Variants in KLF3 observed in about 807,000 individuals in gnomAD.
KLF3 encodes KLF transcription factor 3, also known as Krueppel-like factor 3.
In KLF3, 6 loss-of-function variants were observed where a neutral mutation model predicts 32.7. That is an observed-to-expected ratio of 0.18 (90% CI 0.10 to 0.36). The LOEUF is 0.36. KLF3 is among the 10% of genes least tolerant of loss of function. The pLI is 1.00. For missense variants in KLF3, 338 were observed against 449.7 expected (o/e 0.75, Z 2.25); for synonymous variants, 145 against 172.8 (o/e 0.84, Z 1.26).
chr4:38,667,379 C>T (rs1202019517), intron 1 of KLF3, among the ~76,000 whole-genome samples: 2 of 152,140 alleles, frequency 1.3e-5, no homozygotes, highest in East Asian at 3.8e-4. Flanking sequence ...GGCTGAGGTC[C>T]CTGCCCCTAA....
intron 5 of KLF3, among the ~76,000 whole-genome samples, chr4:38,695,986 A>C (rs1183383422): frequency 5.3e-5 from 8 of 152,124 alleles, no homozygotes; most frequent in Non-Finnish European, 1.2e-4. Flanking sequence ...GAATCCTGGG[A>C]GGAGGCAGAG....
At position 38,671,702 on chromosome 4, in the gene KLF3, T is replaced by C. The variant is rs1722203780; in HGVS notation, c.-40+7241T>C. ...AGCTGTGTGATGTTAGGCAGGTTAC[T>C]TGACCTCTCTGTTTCAGTGTTCTTT... On this transcript the variant is annotated intron_variant, in intron 1 of 5. Transcript: ENST00000261438. The surrounding 1 kb of genome is among the most constrained non-coding windows in gnomAD (Gnocchi z 4.4). Among the ~76,000 whole-genome samples, 1 of 152,184 alleles carries C rather than the reference T, an allele frequency of 6.6e-6. No homozygotes were observed. Among genetic ancestry groups the C allele is most frequent in the African/African-American group, 2.4e-5 (1 of 41,454 alleles).
At chr4:38,689,519 C>T (rs1477307881) in intron 3 of KLF3, among the ~76,000 whole-genome samples, 3 of 152,166 alleles carry the variant, frequency 2.0e-5, no homozygotes, top group African/African-American at 7.2e-5. Context: ...GGGCTGGTGT[C>T]TTATAATCTA....
At position 38,669,893 on chromosome 4, in the gene KLF3, CAAAAAAAAAAAAAAAA is replaced by C. The variant is rs60339860; in HGVS notation, c.-40+5447_-40+5462del. On this transcript the variant is annotated intron_variant, in intron 1 of 5. Transcript: ENST00000261438. ...GGGCAACAAGAGTGAGACTCTGTCT[CAAAAAAAAAAAAAAAA>C]AAAAAAAAAAAAAAGATGTCCTCTT... 1.2e-4 allele frequency among the ~76,000 whole-genome samples: 5 copies of C among 41,180 alleles called. No homozygotes were observed. The Admixed American group carries it at 1.6e-3, about 13-fold the overall frequency. 27.0% of individuals were successfully genotyped at this position (41,180 alleles called of 152,430 possible). A position where few individuals can be genotyped will look rare whatever the true frequency, so the allele number is the denominator to read the frequency against.
intron 1 of KLF3, among the ~76,000 whole-genome samples, chr4:38,673,736 G>C (rs1175368657): frequency 6.6e-6 from 1 of 152,026 alleles, no homozygotes; most frequent in African/African-American, 2.4e-5. Flanking sequence ...GCTTCTGCTT[G>C]GTTGTTACCT....
In KLF3 at chr4:38,698,859, A is replaced by G. The variant is rs1723123383; in HGVS notation, c.*1596A>G. 6.6e-6 allele frequency: 1 copy of G among 152,240 alleles called. No homozygotes were observed. Among genetic ancestry groups the G allele is most frequent in the African/African-American group, 2.4e-5 (1 of 41,456 alleles). The allele number at this position is 152,240 out of a possible 1,614,324, so 9.4% of individuals were successfully genotyped here. ...CATATAACCAAATTCCCCTTCATCA[A>G]GAATGGAGGAGAAGAGAGAAGAATG... On this transcript the variant is annotated 3_prime_UTR_variant, in exon 6 of 6. Transcript: ENST00000261438.
At chr4:38,696,804 A>C (rs1183901248) in intron 5 of KLF3, among the ~76,000 whole-genome samples, 1 of 152,220 alleles carries the variant, frequency 6.6e-6, no homozygotes, top group Non-Finnish European at 1.5e-5. Context: ...CCATGTGTTC[A>C]TTCACTATTT....
rs199503755 is a variant in KLF3, at chr4:38,697,152, A to G, written c.927A>G (p.Arg309=). 35 of 1,614,140 alleles carry G rather than the reference A, an allele frequency of 2.2e-5. 1 individual carries two copies. In the East Asian group the frequency reaches 5.1e-4, roughly 24 times the overall value. The part of the protein sequence containing the change: ...WKFARSDELT[R]HFRKHTGIKP... ...TTGCTCGGTCTGATGAACTAACAAG[A>G]CATTTCCGAAAACATACTGGAATCA... is the stretch of plus-strand genomic sequence containing the variant. The change falls in exon 6 of 6, where the codon AGA becomes AGG. Residue 309 remains arginine (R), a synonymous_variant. Coordinates refer to ENST00000261438, the MANE Select transcript of KLF3 (RefSeq NM_016531.6).
intron 2 of KLF3, among the ~76,000 whole-genome samples, chr4:38,686,289 T>TA (rs1164724861): frequency 6.6e-6 from 1 of 151,280 alleles, no homozygotes; most frequent in African/African-American, 2.4e-5. Context: ...TACAAAAAAA[T>TA]ACAAAAATTA....
chr4:38,694,703 G>T, intron 4 of KLF3, 43 bp from the exon 5 acceptor site: 2 of 1,493,704 alleles, frequency 1.3e-6, no homozygotes, highest in South Asian at 2.8e-5. Context: ...GAAAAAGGAA[G>T]AGCGTGCTCT....
At chr4:38,672,418 A>G (rs1438765340) in intron 1 of KLF3, among the ~76,000 whole-genome samples, 6 of 152,138 alleles carry the variant, frequency 3.9e-5, no homozygotes, top group African/African-American at 1.4e-4. Context: ...TATCTAGGTA[A>G]GAAGAGGCGG....
chr4:38,665,651 T>C (rs1189249746), intron 1 of KLF3, among the ~76,000 whole-genome samples: 3 of 152,204 alleles, frequency 2.0e-5, no homozygotes, highest in African/African-American at 7.2e-5. Context: ...ATTTTAAATA[T>C]ATTGATTATA....
Position 38,689,744 on chromosome 4 carries a change from C to T in KLF3, c.560C>T (p.Ser187Leu). 6.3e-7 allele frequency: 1 copy of T among 1,585,866 alleles called. No homozygotes were observed. The highest frequency in any genetic ancestry group is 8.6e-7 in the Non-Finnish European group (1 of 1,168,334). Residue 187 changes from serine to leucine, a missense_variant, in exon 4 of 6, where the codon TCA (serine) becomes TTA (leucine). By Grantham distance (145) the Ser-to-Leu change is moderately radical. This residue lies in a region of KLF3 where 272 missense variants were observed against 313.4 expected (regional missense o/e 0.87). Coordinates refer to ENST00000261438, the MANE Select transcript of KLF3 (RefSeq NM_016531.6). ...TATTTTTTAGTACCTGTAATTGAATCATATGAGAAGCCTATATCACAGAAA... is the reference window on the plus strand; with the variant it reads ...TATTTTTTAGTACCTGTAATTGAATTATATGAGAAGCCTATATCACAGAAA... The part of the protein sequence containing the change: ...SSSMQVPVIE[S>L]YEKPISQKKI...
chr4:38,685,225 G>T (rs145999316), intron 2 of KLF3, among the ~76,000 whole-genome samples: 1 of 152,210 alleles, frequency 6.6e-6, no homozygotes. Flanking sequence ...GATTGCAAAA[G>T]CTTGTGTGTG....
intron 1 of KLF3, among the ~76,000 whole-genome samples, chr4:38,676,322 T>A (rs1178185109): frequency 3.3e-5 from 5 of 152,122 alleles, no homozygotes; most frequent in African/African-American, 1.2e-4. Context: ...ATGCCTGTAA[T>A]CCCAGCTACT....
At chr4:38,686,768 A>G (rs1708302828) in intron 2 of KLF3, among the ~76,000 whole-genome samples, 1 of 152,208 alleles carries the variant, frequency 6.6e-6, no homozygotes. Context: ...CATAACCTTG[A>G]TCTTAACCAT....
At chr4:38,686,763 C>G (rs1027656375) in intron 2 of KLF3, among the ~76,000 whole-genome samples, 52 of 152,140 alleles carry the variant, frequency 3.4e-4, no homozygotes, top group African/African-American at 1.2e-3. Context: ...TATCCCATAA[C>G]CTTGATCTTA....
chr4:38,673,709 G>A (rs1441533027), intron 1 of KLF3, among the ~76,000 whole-genome samples: 2 of 152,144 alleles, frequency 1.3e-5, no homozygotes, highest in African/African-American at 2.4e-5. Context: ...CTAGGCCTCA[G>A]TTTGGAAACT....
chr4:38,665,903 C>T (rs760925771), intron 1 of KLF3, among the ~76,000 whole-genome samples: 2 of 152,210 alleles, frequency 1.3e-5, no homozygotes, highest in Non-Finnish European at 2.9e-5. Flanking sequence ...AAACAATCTG[C>T]TAGCATTAAT....
Sources: gnomAD v4.1 joint callset for allele counts (sites outside exome capture counted in the v4.1 genomes callset) on GRCh38, gnomAD v4.1.1 for gene constraint, gnomAD v4.1.1 regional missense constraint, Gnocchi (gnomAD v3.1) non-coding constraint, MANE v1.5 for transcripts, NCBI Gene and HGNC (gene_info 2026-07-23, HGNC 2026-07-21) for gene names.